The following HSF2BP variants were observed in gnomAD, a reference collection of about 807,000 sequenced individuals.
HSF2BP encodes heat shock transcription factor 2 binding protein.
A neutral mutation model predicts 35.0 loss-of-function variants in HSF2BP; 35 were observed. The observed-to-expected ratio is 1.00, with a 90% CI of 0.76 to 1.32. The LOEUF (loss-of-function observed/expected upper bound fraction) is 1.32. HSF2BP is among the 40% of genes most tolerant of loss of function. The probability of loss-of-function intolerance (pLI) is 0.00; values close to 1 mark genes in which losing one functional copy is unlikely to be tolerated. For missense variants in HSF2BP, 326 were observed against 321.7 expected, an observed-to-expected ratio of 1.01 and a Z score of -0.10; for synonymous variants, 114 against 117.4, an observed-to-expected ratio of 0.97 and a Z score of 0.18.
At chr21:43,587,530 T>C (rs949243666) in intron 8 of HSF2BP, among the ~76,000 whole-genome samples, 18 of 151,950 alleles carry the variant, frequency 1.2e-4, no homozygotes, top group African/African-American at 4.1e-4. Context: ...CCGGGCGTGG[T>C]GGTACATGCC....
intron 6 of HSF2BP, among the ~76,000 whole-genome samples, chr21:43,619,855 G>C (rs573626083): frequency 2.0e-5 from 3 of 152,228 alleles, no homozygotes; most frequent in Admixed American, 6.5e-5. Flanking sequence ...AAATCAGAGC[G>C]GCTGTTCAGC....
chr21:43,610,253 G>A (rs1257114357), intron 7 of HSF2BP, among the ~76,000 whole-genome samples: 1 of 152,014 alleles, frequency 6.6e-6, no homozygotes, highest in Non-Finnish European at 1.5e-5. Flanking sequence ...CTGAAGGAAG[G>A]GAGAGAAGGA....
At chr21:43,592,937 T>C (rs765538138) in intron 7 of HSF2BP, among the ~76,000 whole-genome samples, 6 of 152,216 alleles carry the variant, frequency 3.9e-5, no homozygotes, top group Non-Finnish European at 7.3e-5. Flanking sequence ...TACAGGACTT[T>C]GGTTTCTGCA....
At chr21:43,589,398 G>A (rs1007238594) in intron 8 of HSF2BP, among the ~76,000 whole-genome samples, 2 of 152,156 alleles carry the variant, frequency 1.3e-5, no homozygotes, top group East Asian at 1.9e-4. Context: ...TTCATGGATT[G>A]TAAGTCTCAA....
Position 43,597,468 on chromosome 21 carries a change from G to T in HSF2BP, c.693-5140C>A, listed in dbSNP as rs4819264. Among the ~76,000 whole-genome samples the T allele has an allele frequency of 0.67, 101,628 of 152,108 alleles. 34,405 individuals are homozygous for T. Among genetic ancestry groups the T allele is most frequent in the East Asian group, 0.79 (4,087 of 5,176 alleles). On this transcript the variant is annotated intron_variant, in intron 7 of 8. Transcript: ENST00000291560. The surrounding 1 kb of genome is among the most constrained non-coding windows in gnomAD (Gnocchi z 4.3). ...TGGCCCATATTTTTAAAAATGTAAT[G>T]CAATATTTTAAAAAAATATATTAAA... is the stretch of plus-strand genomic sequence containing the variant.
chr21:43,603,047 C>T (rs1350932646), intron 7 of HSF2BP, among the ~76,000 whole-genome samples: 1 of 152,136 alleles, frequency 6.6e-6, no homozygotes, highest in African/African-American at 2.4e-5. Flanking sequence ...AAAAATAACC[C>T]GGCCTCCATA....
At chr21:43,573,114 C>T (rs896100864) in intron 8 of HSF2BP, among the ~76,000 whole-genome samples, 4 of 152,208 alleles carry the variant, frequency 2.6e-5, no homozygotes, top group African/African-American at 4.8e-5. Flanking sequence ...TCCGCTGCCA[C>T]GGCTCTGCAT....
intron 7 of HSF2BP, among the ~76,000 whole-genome samples, chr21:43,598,291 A>C (rs1031883746): frequency 3.3e-5 from 5 of 150,744 alleles, no homozygotes; most frequent in Non-Finnish European, 5.9e-5. Context: ...TGCAACCTCC[A>C]CCTCCCAGGT....
At chr21:43,598,692 T>C (rs982376980) in intron 7 of HSF2BP, among the ~76,000 whole-genome samples, 13 of 152,288 alleles carry the variant, frequency 8.5e-5, no homozygotes, top group Admixed American at 7.8e-4. Context: ...CTGACAATTT[T>C]TACATGAATT....
rs567538970 is a variant in HSF2BP at position 43,604,348 on chromosome 21, C to T, written c.692+9482G>A. Among the ~76,000 whole-genome samples, 38 of 140,188 alleles carry T rather than the reference C, an allele frequency of 2.7e-4. No individual in the cohort carries two copies. In the South Asian group the frequency reaches 7.9e-3, roughly 29 times the overall value. The allele number at this position is 140,188 out of a possible 152,430, so 92.0% of individuals were successfully genotyped here. On this transcript the variant is annotated intron_variant, in intron 7 of 8. Coordinates refer to ENST00000291560, the MANE Select transcript of HSF2BP (RefSeq NM_007031.2). ...ACCACACACACACACATCACGCACACACCACACACACACCACACAGCACGC... is the reference window on the plus strand; with the variant it reads ...ACCACACACACACACATCACGCACATACCACACACACACCACACAGCACGC...
chr21:43,647,102 G>GT (rs1271339355), intron 3 of HSF2BP, among the ~76,000 whole-genome samples: 1 of 152,020 alleles, frequency 6.6e-6, no homozygotes, highest in Admixed American at 6.6e-5. Context: ...TACTTTATCT[G>GT]TATGTCTCAT....
At chr21:43,617,680 A>G (rs186515616) in intron 6 of HSF2BP, among the ~76,000 whole-genome samples, 15 of 152,198 alleles carry the variant, frequency 9.9e-5, no homozygotes, top group African/African-American at 3.4e-4. Context: ...GGGGCCAGGT[A>G]CGGTGGCTCC....
chr21:43,577,961 A>G (rs1344302223), intron 8 of HSF2BP, among the ~76,000 whole-genome samples: 1 of 152,186 alleles, frequency 6.6e-6, no homozygotes, highest in African/African-American at 2.4e-5. Context: ...CCTGCCCACA[A>G]AAAATTGCTT....
intron 7 of HSF2BP, chr21:43,609,807 C>A (rs1241690859): frequency 6.6e-6 from 1 of 152,272 alleles, no homozygotes. Flanking sequence ...TGCTGAGATC[C>A]CGAGTCAGGA....
chr21:43,626,867 ATTTTTT>A (rs72562311), intron 6 of HSF2BP, among the ~76,000 whole-genome samples: 36 of 147,060 alleles, frequency 2.4e-4, no homozygotes, highest in Non-Finnish European at 4.0e-4. Flanking sequence ...ATACCAAGAA[ATTTTTT>A]TTTTTTTTTT....
At chr21:43,584,364 G>A (rs1266428470) in intron 8 of HSF2BP, among the ~76,000 whole-genome samples, 1 of 152,152 alleles carries the variant, frequency 6.6e-6, no homozygotes, top group East Asian at 1.9e-4. Flanking sequence ...GAGTTCAAAG[G>A]CAGGAAAAGG....
chr21:43,596,985 G>C (rs1036283730), intron 7 of HSF2BP, among the ~76,000 whole-genome samples: 3 of 151,794 alleles, frequency 2.0e-5, no homozygotes, highest in Non-Finnish European at 1.5e-5. Flanking sequence ...CCCTCAATCA[G>C]AAACCTGGGG....
At chr21:43,657,079 G>C (rs961247144) in intron 2 of HSF2BP, among the ~76,000 whole-genome samples, 2 of 152,076 alleles carry the variant, frequency 1.3e-5, no homozygotes, top group African/African-American at 4.8e-5. Context: ...ATATGAAAAC[G>C]TGCCCAGGAG....
At chr21:43,579,117 C>T (rs2081686204) in intron 8 of HSF2BP, among the ~76,000 whole-genome samples, 1 of 152,166 alleles carries the variant, frequency 6.6e-6, no homozygotes, top group Non-Finnish European at 1.5e-5. Context: ...AAAGGGTTTC[C>T]AAGACATTAT....
Sources: gnomAD v4.1 joint callset for allele counts (sites outside exome capture counted in the v4.1 genomes callset) on GRCh38, gnomAD v4.1.1 for gene constraint, Gnocchi (gnomAD v3.1) non-coding constraint, MANE v1.5 for transcripts, NCBI Gene and HGNC (gene_info 2026-07-23, HGNC 2026-07-21) for gene names.